Variants in ANKRD27 observed in about 807,000 individuals in gnomAD.
ANKRD27 encodes the protein ankyrin repeat domain-containing protein 27.
Under a neutral mutation model 129.7 loss-of-function variants are expected in ANKRD27, and 112 were observed. That is an observed-to-expected ratio of 0.86 (90% CI 0.74 to 1.01). ANKRD27 has a LOEUF of 1.01. Ranked by LOEUF, ANKRD27 falls within the 50% of genes least tolerant of loss-of-function variation. ANKRD27 has a pLI of 0.00. For synonymous variants in ANKRD27, 516 were observed against 511.2 expected (o/e 1.01, Z -0.13); for missense variants, 1,258 against 1,300.5 (o/e 0.97, Z 0.50).
At position 32,619,548 on chromosome 19, in the gene ANKRD27, C is replaced by T; in HGVS notation, c.1833G>A (p.Leu611=). The T allele has an allele frequency of 6.2e-7, 1 of 1,614,124 alleles. No homozygotes were observed. The highest frequency in any genetic ancestry group is 8.5e-7 in the Non-Finnish European group (1 of 1,180,026). The change falls in exon 19 of 29, where the codon CTG becomes CTA. Residue 611 remains leucine (L), a synonymous_variant. Transcript: ENST00000306065. Reference sequence around the variant, plus strand: ...ACAGGTGATAGGCTTCCATTACAGACAGAATCTAGGGGGACAAGGGGGATG... The same window carrying T: ...ACAGGTGATAGGCTTCCATTACAGATAGAATCTAGGGGGACAAGGGGGATG... ...PLKCALNSKI[L]SVMEAYHLSF...
intron 2 of ANKRD27, among the ~76,000 whole-genome samples, chr19:32,657,193 G>A (rs1296225467): frequency 6.6e-6 from 1 of 152,148 alleles, no homozygotes; most frequent in Non-Finnish European, 1.5e-5. Context: ...GCCAGGTGTG[G>A]TGGCTCACAC....
In ANKRD27 at chr19:32,613,706, C is replaced by CTTTTTTTTTTT. The variant is rs58394462; in HGVS notation, c.2175+1941_2175+1951dup. 1.5e-5 allele frequency among the ~76,000 whole-genome samples: 2 copies of CTTTTTTTTTTT among 132,994 alleles called. 1 individual carries two copies. 87.2% of individuals were successfully genotyped at this position (132,994 alleles called of 152,430 possible). On this transcript the variant is annotated intron_variant, in intron 22 of 28. Coordinates refer to ENST00000306065, the MANE Select transcript of ANKRD27 (RefSeq NM_032139.3). ...GTATACTGTGATTACATTTATGTAACTTTTTTTTTTTTTTTTTTTTGAGAC... is the reference window on the plus strand; with the variant it reads ...GTATACTGTGATTACATTTATGTAACTTTTTTTTTTTTTTTTTTTTTTTTTTTTTTTGAGAC...
rs537426893 is a variant in ANKRD27 at position 32,643,382 on chromosome 19, G to A, written c.640-30C>T. ...GGAATCAACAGACCCCATTCAGGGT[G>A]TGAGCGGGCAACAGGGTGTGCCTCC... On this transcript the variant is annotated intron_variant, in intron 7 of 28. Coordinates refer to ENST00000306065, the MANE Select transcript of ANKRD27 (RefSeq NM_032139.3). 24 of 1,613,918 alleles carry A rather than the reference G, an allele frequency of 1.5e-5. No individual in the cohort carries two copies. The Admixed American group carries it at 3.7e-4, about 25-fold the overall frequency.
At chr19:32,674,997 G>A (rs1967957858) in intron 1 of ANKRD27, 74 bp downstream of exon 1, 1 of 151,928 alleles carries the variant, frequency 6.6e-6, no homozygotes, top group African/African-American at 2.4e-5. Context: ...GGCCCCGCCC[G>A]GCCGCCGCGC....
At position 32,643,204 on chromosome 19, in the gene ANKRD27, C is replaced by A; in HGVS notation, c.706-5G>T. ...GATTTTGTTAAAGGCCGCATCCTAA[C>A]AACAGATTTTAACGAACCTTCAAAT... is the stretch of plus-strand genomic sequence containing the variant. On this transcript the variant is annotated splice_polypyrimidine_tract_variant and splice_region_variant and intron_variant, in intron 8 of 28. Coordinates refer to ENST00000306065, the MANE Select transcript of ANKRD27 (RefSeq NM_032139.3). 1 of 1,614,102 alleles carries A rather than the reference C, an allele frequency of 6.2e-7. No homozygotes were observed. Among genetic ancestry groups the A allele is most frequent in the Non-Finnish European group, 8.5e-7 (1 of 1,180,038 alleles).
At chr19:32,673,823 T>C (rs748176869) in intron 1 of ANKRD27, among the ~76,000 whole-genome samples, 2 of 151,930 alleles carry the variant, frequency 1.3e-5, no homozygotes, top group Non-Finnish European at 2.9e-5. Flanking sequence ...TCAACACCAG[T>C]CCTCATGCCA....
intron 17 of ANKRD27, 135 bp downstream of exon 17, chr19:32,625,739 C>A: frequency 1.4e-6 from 1 of 734,408 alleles, no homozygotes; most frequent in Non-Finnish European, 2.0e-6. Flanking sequence ...GCCTAACATT[C>A]TTTCATATTA....
At chr19:32,656,836 C>T (rs964516649) in intron 2 of ANKRD27, among the ~76,000 whole-genome samples, 1 of 151,074 alleles carries the variant, frequency 6.6e-6, no homozygotes, top group South Asian at 2.1e-4. Flanking sequence ...CTTGGTGAAT[C>T]CTCACCATCA....
chr19:32,626,210 C>A (rs980839609), intron 16 of ANKRD27, among the ~76,000 whole-genome samples: 3 of 152,186 alleles, frequency 2.0e-5, no homozygotes, highest in Admixed American at 6.5e-5. Flanking sequence ...GCCTGTCTCC[C>A]AGGCTGAAGT....
intron 12 of ANKRD27, among the ~76,000 whole-genome samples, chr19:32,632,453 C>T (rs989143282): frequency 2.0e-5 from 3 of 151,478 alleles, no homozygotes; most frequent in African/African-American, 4.9e-5. Context: ...GGTGTGGTGG[C>T]GGGCGCCTGT....
intron 2 of ANKRD27, among the ~76,000 whole-genome samples, chr19:32,656,700 GC>G (rs1280985322): frequency 6.6e-6 from 1 of 151,760 alleles, no homozygotes; most frequent in African/African-American, 2.4e-5. Flanking sequence ...CAGAAGGACT[GC>G]TTGAGTCTAG....
At chr19:32,625,362 A>G (rs1381131500) in intron 17 of ANKRD27, among the ~76,000 whole-genome samples, 1 of 152,208 alleles carries the variant, frequency 6.6e-6, no homozygotes, top group Admixed American at 6.5e-5. Flanking sequence ...ATTTGACTTC[A>G]GGATAAGATA....
chr19:32,636,490 G>A (rs770412806), intron 12 of ANKRD27: 5 of 141,016 alleles, frequency 3.5e-5, no homozygotes, highest in Non-Finnish European at 5.9e-5. Flanking sequence ...ATAAAATGCT[G>A]GCTCACATGC....
chr19:32,607,139 T>G, intron 23 of ANKRD27, among the ~76,000 whole-genome samples: 1 of 74,814 alleles, frequency 1.3e-5, no homozygotes, highest in South Asian at 4.3e-4. Context: ...AGCAAGGTGA[T>G]GTCTTAAAAA....
chr19:32,629,194 T>C (rs1462090817), intron 13 of ANKRD27, among the ~76,000 whole-genome samples: 1 of 151,822 alleles, frequency 6.6e-6, no homozygotes, highest in Non-Finnish European at 1.5e-5. Flanking sequence ...GTGTTGGGAT[T>C]ACAGGCGTGA....
intron 21 of ANKRD27, among the ~76,000 whole-genome samples, chr19:32,616,268 T>C (rs577534891): frequency 1.3e-5 from 2 of 152,198 alleles, no homozygotes; most frequent in South Asian, 2.1e-4. Flanking sequence ...AAGTGGAAGA[T>C]ACGGGCAGGC....
intron 1 of ANKRD27, among the ~76,000 whole-genome samples, chr19:32,664,617 AAATAATAATAATAATAAT>A (rs3042684): frequency 3.1e-5 from 4 of 128,328 alleles, no homozygotes; most frequent in African/African-American, 8.5e-5. Context: ...CTCCATCCCC[AAATAATAATAATAATAAT>A]AATAATAATA....
Position 32,646,363 on chromosome 19 carries a change from C to T in ANKRD27, c.370+96G>A, listed in dbSNP as rs898607268. The T allele has an allele frequency of 1.3e-5, 17 of 1,311,126 alleles. No homozygotes were observed. In the African/African-American group the frequency reaches 2.5e-4, roughly 19 times the overall value. The allele number at this position is 1,311,126 out of a possible 1,614,324, so 81.2% of individuals were successfully genotyped here. ...GGATTACAGGCGCGAGCCACCATAC[C>T]CGGCCTTGTTTAACCTTTCAACAGC... On this transcript the variant is annotated intron_variant, in intron 4 of 28. Coordinates refer to ENST00000306065, the MANE Select transcript of ANKRD27 (RefSeq NM_032139.3).
At chr19:32,622,085 G>A (rs940640311) in intron 18 of ANKRD27, among the ~76,000 whole-genome samples, 1 of 152,150 alleles carries the variant, frequency 6.6e-6, no homozygotes, top group African/African-American at 2.4e-5. Context: ...CGGGAAAAAA[G>A]AGTTCCAACA....
Sources: gnomAD v4.1 joint callset for allele counts (sites outside exome capture counted in the v4.1 genomes callset) on GRCh38, gnomAD v4.1.1 for gene constraint, MANE v1.5 for transcripts, NCBI Gene and HGNC (gene_info 2026-07-23, HGNC 2026-07-21) for gene names.